The following WIPF2 variants were observed in gnomAD, a reference collection of about 807,000 sequenced individuals.
WIPF2 encodes WAS/WASL interacting protein family member 2.
Under a neutral mutation model 38.8 loss-of-function variants are expected in WIPF2, and 23 were observed. That is an observed-to-expected ratio of 0.59 (90% CI 0.43 to 0.84). WIPF2 has a LOEUF of 0.84. Ranked by LOEUF, WIPF2 falls within the 40% of genes least tolerant of loss-of-function variation. WIPF2 has a pLI of 0.00. For synonymous variants in WIPF2, 210 were observed against 223.2 expected (o/e 0.94, Z 0.53); for missense variants, 574 against 580.5 (o/e 0.99, Z 0.11).
intron 5 of WIPF2, among the ~76,000 whole-genome samples, chr17:40,270,365 C>CAAAAA (rs574916961): frequency 1.5e-5 from 1 of 68,358 alleles, no homozygotes; most frequent in East Asian, 3.4e-4. Context: ...GACTCCGTCT[C>CAAAAA]AAAAAAAAAA....
chr17:40,267,212 A>G (rs1598495841), intron 5 of WIPF2, among the ~76,000 whole-genome samples: 1 of 152,158 alleles, frequency 6.6e-6, no homozygotes, highest in East Asian at 1.9e-4. Flanking sequence ...AGGTACAGAA[A>G]AAGAGTAGAG....
At chr17:40,264,347 A>AG in intron 4 of WIPF2, 143 bp from the exon 5 acceptor site, 2 of 675,750 alleles carry the variant, frequency 3.0e-6, no homozygotes, top group Admixed American at 3.2e-5. Flanking sequence ...AAAAAAAAAA[A>AG]AAAAAAGAAA....
intron 1 of WIPF2, among the ~76,000 whole-genome samples, chr17:40,241,744 G>A (rs1478332465): frequency 6.6e-6 from 1 of 152,152 alleles, no homozygotes; most frequent in Non-Finnish European, 1.5e-5. Context: ...TGGAGATGTT[G>A]AAGCACTGTG....
chr17:40,258,158 G>A (rs1297997807), intron 2 of WIPF2, among the ~76,000 whole-genome samples: 1 of 152,232 alleles, frequency 6.6e-6, no homozygotes, highest in Non-Finnish European at 1.5e-5. Flanking sequence ...AGCACTTTGG[G>A]AGGCCGAGGC....
chr17:40,277,688 AAG>A (rs1339126362), intron 7 of WIPF2, among the ~76,000 whole-genome samples: 9 of 148,834 alleles, frequency 6.0e-5, no homozygotes, highest in African/African-American at 1.5e-4. Flanking sequence ...CTCAAAAAAA[AAG>A]AAAAAAAATT....
At chr17:40,255,872 C>A (rs1007247703) in intron 1 of WIPF2, among the ~76,000 whole-genome samples, 2 of 151,416 alleles carry the variant, frequency 1.3e-5, no homozygotes, top group African/African-American at 2.4e-5. Flanking sequence ...GTGATCCACC[C>A]GCCTCGGCCT....
rs2030354075 is a variant in WIPF2 at position 40,223,719 on chromosome 17, C to T, written c.-70+4227C>T. 3.3e-5 allele frequency among the ~76,000 whole-genome samples: 5 copies of T among 151,486 alleles called. No homozygotes were observed. The South Asian group carries it at 1.0e-3, about 32-fold the overall frequency. On this transcript the variant is annotated intron_variant, in intron 1 of 7. Coordinates refer to ENST00000323571, the MANE Select transcript of WIPF2 (RefSeq NM_133264.5). The stretch of plus-strand genomic sequence containing the variant: ...GGTTCAAGCGATTCTCCTGCCTCAG[C>T]CTCCTGAGTAGCTGGGTGCCATCAC...
intron 6 of WIPF2, among the ~76,000 whole-genome samples, chr17:40,275,369 A>G (rs1404814155): frequency 6.6e-6 from 1 of 152,068 alleles, no homozygotes; most frequent in African/African-American, 2.4e-5. Context: ...TTGTAAAATT[A>G]GGTTGACTAG....
At chr17:40,256,200 T>C (rs1046448478) in intron 1 of WIPF2, among the ~76,000 whole-genome samples, 191 bp from the exon 2 acceptor site, 1 of 150,816 alleles carries the variant, frequency 6.6e-6, no homozygotes, top group East Asian at 1.9e-4. Context: ...TTCAGCATCA[T>C]AAGTCATTAG....
At chr17:40,252,825 G>A (rs572380993) in intron 1 of WIPF2, among the ~76,000 whole-genome samples, 52 of 151,020 alleles carry the variant, frequency 3.4e-4, no homozygotes, top group Non-Finnish European at 4.9e-4. Context: ...GTACAATGGC[G>A]CGATCTCGGC....
At chr17:40,240,572 C>G (rs2031153851) in intron 1 of WIPF2, among the ~76,000 whole-genome samples, 1 of 151,468 alleles carries the variant, frequency 6.6e-6, no homozygotes, top group Non-Finnish European at 1.5e-5. Context: ...TTTTTACCTT[C>G]CAAAACTTTG....
At chr17:40,262,492 G>A (rs1302035425) in intron 3 of WIPF2, 33 bp from the exon 4 acceptor site, 1 of 1,567,974 alleles carries the variant, frequency 6.4e-7, no homozygotes, top group East Asian at 2.2e-5. Context: ...CTGAGAGCAT[G>A]TGAAATGAAA....
intron 2 of WIPF2, among the ~76,000 whole-genome samples, chr17:40,257,192 T>G (rs966763963): frequency 6.6e-6 from 1 of 152,100 alleles, no homozygotes; most frequent in African/African-American, 2.4e-5. Flanking sequence ...TTGGCCAGGC[T>G]GGTCTTGAAC....
intron 6 of WIPF2, 100 bp downstream of exon 6, chr17:40,274,099 C>T (rs2032320746): frequency 1.0e-6 from 1 of 972,040 alleles, no homozygotes; most frequent in South Asian, 1.8e-5. Flanking sequence ...GGAATGGCCA[C>T]ATGGGATCCT....
chr17:40,273,906 C>T lies in WIPF2; in HGVS notation c.1087C>T (p.Pro363Ser), dbSNP rs748423330. The part of the protein sequence containing the change: ...PPSRGKPPPP[P>S]SRTPAGPPPP... ...GAGCCGAGGAAAGCCCCCACCTCCA[C>T]CCTCAAGGACGCCAGCTGGGCCACC... Residue 363 changes from proline (P) to serine (S), a missense_variant, in exon 6 of 8, where the codon CCC (proline) becomes TCC (serine). Physicochemically the swap from Pro to Ser is moderately conservative, Grantham distance 74 (BLOSUM62 -1). Transcript: ENST00000323571. The T allele has an allele frequency of 6.3e-7, 1 of 1,590,278 alleles. No individual in the cohort carries two copies. Among genetic ancestry groups the T allele is most frequent in the Middle Eastern group, 1.7e-4 (1 of 5,978 alleles).
chr17:40,248,878 A>G (rs2031463889), intron 1 of WIPF2, among the ~76,000 whole-genome samples: 1 of 152,220 alleles, frequency 6.6e-6, no homozygotes, highest in Non-Finnish European at 1.5e-5. Context: ...TTAAACATAT[A>G]TTGAAGAAAT....
At chr17:40,223,682 C>T (rs1469853092) in intron 1 of WIPF2, among the ~76,000 whole-genome samples, 1 of 150,712 alleles carries the variant, frequency 6.6e-6, no homozygotes, top group Non-Finnish European at 1.5e-5. Flanking sequence ...TCACTGCAAC[C>T]TCCACCTCCC....
At chr17:40,231,413 G>C (rs920588642) in intron 1 of WIPF2, among the ~76,000 whole-genome samples, 3 of 149,124 alleles carry the variant, frequency 2.0e-5, no homozygotes, top group East Asian at 3.9e-4. Context: ...ACTGTTCTCT[G>C]TGCTTTTCTA....
chr17:40,251,000 G>A (rs1031014352), intron 1 of WIPF2, among the ~76,000 whole-genome samples: 22 of 136,706 alleles, frequency 1.6e-4, no homozygotes, highest in Non-Finnish European at 3.2e-4. Context: ...TGCCAGCTCC[G>A]CCTCCTGGGT....
Sources: allele counts gnomAD v4.1 joint callset (sites outside exome capture counted in the v4.1 genomes callset), GRCh38; gene constraint gnomAD v4.1.1; transcripts MANE v1.5; gene names NCBI Gene and HGNC (gene_info 2026-07-23, HGNC 2026-07-21).